Variants in NOC3L observed in about 807,000 individuals in gnomAD.
NOC3L encodes nucleolar complex protein 3 homolog.
A neutral mutation model predicts 102.5 loss-of-function variants in NOC3L; 85 were observed. The observed-to-expected ratio is 0.83, with a 90% CI of 0.70 to 0.99. The LOEUF is 0.99. Ranked by LOEUF, NOC3L falls within the 50% of genes least tolerant of loss-of-function variation. The probability of loss-of-function intolerance (pLI) is 0.00; values close to 1 mark genes in which losing one functional copy is unlikely to be tolerated. For missense variants in NOC3L, 878 were observed against 914.9 expected, an observed-to-expected ratio of 0.96 and a Z score of 0.52; for synonymous variants, 303 against 309.4, an observed-to-expected ratio of 0.98 and a Z score of 0.22.
the NOC3L span, chr10:94,325,497 AG>A: frequency 1.5e-5 from 3 of 196,466 alleles, no homozygotes; most frequent in African/African-American, 7.1e-5. Context: ...GGGGAGGCTG[AG>A]GCAGGAGAAT....
chr10:94,331,659 G>C (rs1589560573), downstream of NOC3L: 1 of 152,156 alleles, frequency 6.6e-6, no homozygotes. Context: ...AAAAGTTAGA[G>C]AGAAAAGGGA....
In NOC3L at chr10:94,356,545, T is replaced by C. The variant is rs1246768776; in HGVS notation, c.555A>G (p.Glu185=). 4 of 1,580,164 alleles carry C rather than the reference T, an allele frequency of 2.5e-6. No individual in the cohort carries two copies. In the Admixed American group the frequency reaches 6.7e-5, roughly 26 times the overall value. ...GTAAAGACATATTACCTTCCTCAAG[T>C]TCCCTCTCTTCTTCTTGATCCTCTT... ...KDEEDQEEER[E]LEEEIIEDPI... is the part of the protein sequence containing the mutation. Residue 185 remains glutamate, a synonymous_variant, in exon 5 of 21, where the codon GAA becomes GAG. Coordinates refer to ENST00000371361, the MANE Select transcript of NOC3L (RefSeq NM_022451.11).
chr10:94,329,005 CT>C (rs1392937625), downstream of NOC3L: 7 of 152,146 alleles, frequency 4.6e-5, no homozygotes, highest in Admixed American at 3.9e-4. Flanking sequence ...TGTACTGACA[CT>C]ATACTTATAT....
At chr10:94,324,780 A>T in the NOC3L span, 1 of 1,138,274 alleles carries the variant, frequency 8.8e-7, no homozygotes, top group Non-Finnish European at 1.3e-6. Flanking sequence ...CCTCAGCCCT[A>T]CTCTCTCCAA....
chr10:94,340,373 T>C (rs781217163), intron 15 of NOC3L, 26 bp from the exon 16 acceptor site: 4 of 1,610,294 alleles, frequency 2.5e-6, no homozygotes, highest in Non-Finnish European at 3.4e-6. Context: ...AAACACCAAT[T>C]AGGTATGTTA....
At chr10:94,331,494 T>A (rs2054155286), downstream of NOC3L, 2 of 152,218 alleles carry the variant, frequency 1.3e-5, no homozygotes, top group African/African-American at 4.8e-5. Flanking sequence ...TATGCTCCCA[T>A]GCTAGTAAAG....
chr10:94,326,236 A>G, the NOC3L span, among the ~76,000 whole-genome samples: 6 of 152,202 alleles, frequency 3.9e-5, no homozygotes, highest in Admixed American at 6.5e-5. Context: ...CTTTATGACA[A>G]TGAGGAACTT....
At chr10:94,353,105 T>C (rs971488334) in intron 6 of NOC3L, 48 bp from the exon 7 acceptor site, 3 of 1,499,244 alleles carry the variant, frequency 2.0e-6, no homozygotes, top group East Asian at 2.3e-5. Context: ...GACGAAACAA[T>C]TATGAACAAA....
In NOC3L at chr10:94,358,141, G is replaced by A. The variant is rs1181690598; in HGVS notation, c.292C>T (p.Gln98Ter). 1.9e-6 allele frequency: 3 copies of A among 1,611,696 alleles called. No individual in the cohort carries two copies. The highest frequency in any genetic ancestry group is 1.3e-5 in the African/African-American group (1 of 74,854). The change falls in exon 3 of 21, where the codon CAG becomes TAG. Residue 98 changes from glutamine (Q) to a stop codon, truncating the protein, a stop_gained. Coordinates refer to ENST00000371361, the MANE Select transcript of NOC3L (RefSeq NM_022451.11). LOFTEE classifies it high-confidence loss of function. ...PLDMMDEDDL[Q>*]LMKDLGQRVS... ...CTTTGTCCTAAATCCTTCATTAACT[G>A]TAAGTCATCTTCATCCATCATATCT... is the stretch of plus-strand genomic sequence containing the variant.
the NOC3L span, chr10:94,327,899 G>A: frequency 2.5e-5 from 12 of 479,704 alleles, no homozygotes; most frequent in Non-Finnish European, 4.7e-5. Context: ...CTGAACCCTT[G>A]GTATACCGCA....
rs777325924 is a variant in NOC3L, at chr10:94,338,601, C to G, written c.2091+7G>C. The stretch of plus-strand genomic sequence containing the variant: ...CCCAAAAAGAAAAAAACCAGGGCCA[C>G]TCTTACCCGCAGAGCATGCAGTTCC... On this transcript the variant is annotated splice_region_variant and intron_variant, in intron 18 of 20. Coordinates refer to ENST00000371361, the MANE Select transcript of NOC3L (RefSeq NM_022451.11). 6.6e-7 allele frequency: 1 copy of G among 1,519,622 alleles called. No homozygotes were observed. The highest frequency in any genetic ancestry group is 8.9e-7 in the Non-Finnish European group (1 of 1,128,402). The allele number at this position is 1,519,622 out of a possible 1,614,324, so 94.1% of individuals were successfully genotyped here.
Position 94,356,557 on chromosome 10 carries a change from T to C in NOC3L, c.543A>G (p.Glu181=). Residue 181 remains glutamate, a synonymous_variant, in exon 5 of 21, where the codon GAA becomes GAG. Transcript: ENST00000371361. ...TDSNKDEEDQ[E]EERELEEEII... The stretch of plus-strand genomic sequence containing the variant: ...TACCTTCCTCAAGTTCCCTCTCTTC[T>C]TCTTGATCCTCTTCATCTTTGTTAC... The C allele has an allele frequency of 6.3e-7, 1 of 1,582,144 alleles. No individual in the cohort carries two copies. Among genetic ancestry groups the C allele is most frequent in the Non-Finnish European group, 8.7e-7 (1 of 1,152,164 alleles).
At chr10:94,350,479 G>C (rs2054401569) in intron 8 of NOC3L, among the ~76,000 whole-genome samples, 191 bp from the exon 9 acceptor site, 1 of 151,962 alleles carries the variant, frequency 6.6e-6, no homozygotes, top group African/African-American at 2.4e-5. Context: ...GGGAGGCCAA[G>C]GTGGGCAGAT....
chr10:94,334,836 AAACT>A (rs754727372), intron 19 of NOC3L, 118 bp from the exon 20 acceptor site: 48 of 715,050 alleles, frequency 6.7e-5, no homozygotes, highest in Non-Finnish European at 1.0e-4. Flanking sequence ...ATAAGATTTG[AAACT>A]AACCAACCAA....
intron 5 of NOC3L, 123 bp from the exon 6 acceptor site, chr10:94,355,216 C>A: frequency 1.4e-6 from 1 of 737,576 alleles, no homozygotes; most frequent in Non-Finnish European, 2.1e-6. Flanking sequence ...TTTACTACTA[C>A]ACATCATCTC....
chr10:94,355,624 A>G (rs1227476931), intron 5 of NOC3L, among the ~76,000 whole-genome samples: 2 of 152,038 alleles, frequency 1.3e-5, no homozygotes, highest in Non-Finnish European at 2.9e-5. Context: ...CCTGGGCTCA[A>G]GTGATCCTCC....
At position 94,346,477 on chromosome 10, in the gene NOC3L, T is replaced by G; in HGVS notation, c.1337A>C (p.Lys446Thr). The change falls in exon 11 of 21, where the codon AAA becomes ACA. Residue 446 changes from lysine (K) to threonine (T), a missense_variant. Physicochemically the swap from Lys to Thr is moderately conservative, Grantham distance 78 (BLOSUM62 -1). Transcript: ENST00000371361. Reference protein sequence around the residue: ...KDTEDINKPKKFMTFKEKRKS... With the variant: ...KDTEDINKPKTFMTFKEKRKS... ...TCTCTTTTCTTTGAAAGTCATAAATTTTTTTGGTTTATTAATGTCTTCTGT... is the reference window on the plus strand; with the variant it reads ...TCTCTTTTCTTTGAAAGTCATAAATGTTTTTGGTTTATTAATGTCTTCTGT... 6.6e-7 allele frequency: 1 copy of G among 1,513,684 alleles called. No individual in the cohort carries two copies. The highest frequency in any genetic ancestry group is 8.9e-7 in the Non-Finnish European group (1 of 1,126,446). The allele number at this position is 1,513,684 out of a possible 1,614,324, so 93.8% of individuals were successfully genotyped here.
chr10:94,335,322 G>A (rs906793094), intron 19 of NOC3L, among the ~76,000 whole-genome samples: 1 of 152,156 alleles, frequency 6.6e-6, no homozygotes, highest in African/African-American at 2.4e-5. Flanking sequence ...TTTGGGATAA[G>A]CTCATTCCTC....
intron 5 of NOC3L, 118 bp downstream of exon 5, chr10:94,356,417 C>A: frequency 1.5e-6 from 1 of 665,990 alleles, no homozygotes; most frequent in African/African-American, 1.8e-5. Context: ...TCAAAGTGAC[C>A]TTGAAATGAG....
Sources: gnomAD v4.1 joint callset for allele counts (sites outside exome capture counted in the v4.1 genomes callset) on GRCh38, gnomAD v4.1.1 for gene constraint, MANE v1.5 for transcripts, NCBI Gene and HGNC (gene_info 2026-07-23, HGNC 2026-07-21) for gene names.